The following HMGCS1 variants were observed in gnomAD, a reference collection of about 807,000 sequenced individuals.
HMGCS1 encodes the protein 3-hydroxy-3-methylglutaryl-CoA synthase 1, also known as hydroxymethylglutaryl-CoA synthase, cytoplasmic.
A neutral mutation model predicts 52.3 loss-of-function variants in HMGCS1; 9 were observed. The ratio of observed to expected loss-of-function variants is 0.17; its 90% CI spans 0.10 to 0.30. The LOEUF (loss-of-function observed/expected upper bound fraction) is 0.30, where lower values mean the gene tolerates loss of function less well. Among genes scored for constraint, HMGCS1 ranks in the 10% least tolerant of loss-of-function variants. The probability of loss-of-function intolerance (pLI) is 1.00; values close to 1 mark genes in which losing one functional copy is unlikely to be tolerated. For missense variants in HMGCS1, 320 were observed against 620.9 expected (o/e 0.52, Z 5.15); for synonymous variants, 176 against 214.4 (o/e 0.82, Z 1.57).
intron 1 of HMGCS1, among the ~76,000 whole-genome samples, chr5:43,312,744 T>C (rs186975868): frequency 6.6e-6 from 1 of 152,128 alleles, no homozygotes; most frequent in Non-Finnish European, 1.5e-5. Context: ...TCTATGAGAT[T>C]TGAAGCAAGT....
At chr5:43,306,410 A>G (rs71627598) in intron 2 of HMGCS1, among the ~76,000 whole-genome samples, 1,809 of 152,314 alleles carry the variant, frequency 0.012, 35 homozygotes, top group East Asian at 0.081. Context: ...GTCTCTCCTA[A>G]GTGAGCTCTG....
At chr5:43,297,258 T>A in intron 4 of HMGCS1, 92 bp from the exon 5 acceptor site, 1 of 1,037,660 alleles carries the variant, frequency 9.6e-7, no homozygotes, top group Non-Finnish European at 1.4e-6. Context: ...GGACCTTCCT[T>A]AACTATCTGA....
Position 43,291,194 on chromosome 5 carries a change from T to TACTTTCTTGGC in HMGCS1, c.1489_1499dup (p.Leu503LysfsTer66). The stretch of plus-strand genomic sequence containing the variant: ...CTGCTGCTGTGGCAGGGAGTCTTGG[T>TACTTTCTTGGC]ACTTTCTTGGCAGGGCTTGGAATAT... On this transcript the variant is annotated frameshift_variant, in exon 11 of 11. Transcript: ENST00000325110. LOFTEE classifies it high-confidence loss of function. 1 of 1,608,090 alleles carries TACTTTCTTGGC rather than the reference T, an allele frequency of 6.2e-7. No individual in the cohort carries two copies. The highest frequency in any genetic ancestry group is 8.5e-7 in the Non-Finnish European group (1 of 1,176,494).
chr5:43,294,758 C>T lies in HMGCS1; in HGVS notation c.1009G>A (p.Val337Ile), dbSNP rs1579639185. ...TACATATTTCCATTTTGATTTGATA[C>T]AAGTAAAGATGCCTTTGTTTTCTGA... ...FSQKTKASLLVSNQNGNMYTS... is the reference protein window; with the variant it reads ...FSQKTKASLLISNQNGNMYTS... The change falls in exon 7 of 11, where the codon GTA becomes ATA. Residue 337 changes from valine to isoleucine, a missense_variant. By Grantham distance (29) the Val-to-Ile change is conservative (BLOSUM62 3). This residue lies in a region of HMGCS1 where 213 missense variants were observed against 337.4 expected (regional missense o/e 0.63). Coordinates refer to ENST00000325110, the MANE Select transcript of HMGCS1 (RefSeq NM_001098272.3). 1.2e-6 allele frequency: 2 copies of T among 1,612,224 alleles called. No homozygotes were observed. The highest frequency in any genetic ancestry group is 1.7e-6 in the Non-Finnish European group (2 of 1,178,546).
chr5:43,300,870 C>CTT (rs533615475), intron 2 of HMGCS1, among the ~76,000 whole-genome samples: 1 of 147,242 alleles, frequency 6.8e-6, no homozygotes. Flanking sequence ...ACAGAAGAAT[C>CTT]TTTTTTTTTT....
At chr5:43,303,501 T>C (rs777088349) in intron 2 of HMGCS1, among the ~76,000 whole-genome samples, 1 of 152,234 alleles carries the variant, frequency 6.6e-6, no homozygotes, top group Non-Finnish European at 1.5e-5. Flanking sequence ...AGATCATAAA[T>C]GTCTGCTGTT....
At chr5:43,305,604 T>C (rs924563723) in intron 2 of HMGCS1, among the ~76,000 whole-genome samples, 3 of 151,770 alleles carry the variant, frequency 2.0e-5, no homozygotes, top group African/African-American at 4.8e-5. Flanking sequence ...ACCCCCTCTC[T>C]ACTAAAAATA....
chr5:43,299,813 G>T (rs1754223639), intron 2 of HMGCS1, among the ~76,000 whole-genome samples: 1 of 152,098 alleles, frequency 6.6e-6, no homozygotes, highest in South Asian at 2.1e-4. Context: ...GACCATTGTT[G>T]GGCATTTAAC....
At chr5:43,294,003 C>T in intron 8 of HMGCS1, 53 bp downstream of exon 8, 1 of 1,202,932 alleles carries the variant, frequency 8.3e-7, no homozygotes, top group South Asian at 1.2e-5. Flanking sequence ...GTGTGAGCCA[C>T]TGTGCCTGGA....
chr5:43,295,472 G>A (rs1753985844), intron 6 of HMGCS1, among the ~76,000 whole-genome samples: 2 of 152,196 alleles, frequency 1.3e-5, no homozygotes, highest in South Asian at 4.1e-4. Flanking sequence ...GGCTGCTGTA[G>A]TGAATATAGG....
At chr5:43,293,922 C>T (rs1002462689) in intron 8 of HMGCS1, 134 bp downstream of exon 8, 3 of 602,580 alleles carry the variant, frequency 5.0e-6, no homozygotes, top group Admixed American at 5.3e-5. Flanking sequence ...GCCATGTTAG[C>T]CAGACTGGTC....
intron 2 of HMGCS1, among the ~76,000 whole-genome samples, chr5:43,302,037 G>GA (rs139300491): frequency 2.0e-5 from 3 of 152,272 alleles, no homozygotes; most frequent in African/African-American, 7.2e-5. Context: ...CCAGCGCTCA[G>GA]AACCACCACT....
At chr5:43,292,326 T>C in intron 10 of HMGCS1, 148 bp downstream of exon 10, 1 of 630,676 alleles carries the variant, frequency 1.6e-6, no homozygotes, top group South Asian at 2.2e-5. Flanking sequence ...ATAATTCAAA[T>C]GCAAAGCACT....
rs775308187 is a variant in HMGCS1 at position 43,298,783 on chromosome 5, A to G, written c.183T>C (p.Asp61=). The G allele has an allele frequency of 6.2e-7, 1 of 1,614,230 alleles. No homozygotes were observed. Among genetic ancestry groups the G allele is most frequent in the Non-Finnish European group, 8.5e-7 (1 of 1,180,028 alleles). The change falls in exon 3 of 11, where the codon GAT becomes GAC. Residue 61 remains aspartate (D), a synonymous_variant. Transcript: ENST00000325110. The surrounding 1 kb of genome is among the most constrained non-coding windows in gnomAD (Gnocchi z 5.6). ...TGCAAAGAGAGTTAATATCTTCTCTATCTGTGCAGAAGCCCATCTTGGCCT... is the reference window on the plus strand; with the variant it reads ...TGCAAAGAGAGTTAATATCTTCTCTGTCTGTGCAGAAGCCCATCTTGGCCT... ...LGQAKMGFCT[D]REDINSLCMT... is the part of the protein sequence containing the mutation.
intron 10 of HMGCS1, 21 bp from the exon 11 acceptor site, chr5:43,291,241 T>C (rs1443546330): frequency 7.1e-7 from 1 of 1,405,800 alleles, no homozygotes; most frequent in Non-Finnish European, 1.0e-6. Context: ...AGGAAAAAAG[T>C]TGATGGCTCT....
intron 2 of HMGCS1, among the ~76,000 whole-genome samples, 200 bp from the exon 3 acceptor site, chr5:43,299,175 T>C (rs781170070): frequency 2.6e-5 from 4 of 152,334 alleles, no homozygotes; most frequent in East Asian, 1.9e-4. Flanking sequence ...TTTAAAATTA[T>C]AGTCTTTTAG....
rs1007847388 is a variant in HMGCS1, at chr5:43,289,238, T to C, written c.*1893A>G. On this transcript the variant is annotated 3_prime_UTR_variant, in exon 11 of 11. Coordinates refer to ENST00000325110, the MANE Select transcript of HMGCS1 (RefSeq NM_001098272.3). The stretch of plus-strand genomic sequence containing the variant: ...AAATTTCTGCCTTAAACAGAGCACC[T>C]TGCTTATATTAGGATTTCAAATGTT... 5 of 152,282 alleles carry C rather than the reference T, an allele frequency of 3.3e-5. No individual in the cohort carries two copies. The highest frequency in any genetic ancestry group is 5.9e-5 in the Non-Finnish European group (4 of 68,030). 9.4% of individuals were successfully genotyped at this position (152,282 alleles called of 1,614,324 possible). A position where few individuals can be genotyped will look rare whatever the true frequency, so the allele number is the denominator to read the frequency against.
At chr5:43,294,644 A>G (rs1753943333) in intron 7 of HMGCS1, 47 bp downstream of exon 7, 2 of 1,404,046 alleles carry the variant, frequency 1.4e-6, no homozygotes, top group Middle Eastern at 3.9e-4. Context: ...GAAATCTAAC[A>G]TCTCCCAAAT....
At chr5:43,305,462 G>T (rs1242812840) in intron 2 of HMGCS1, among the ~76,000 whole-genome samples, 1 of 151,480 alleles carries the variant, frequency 6.6e-6, no homozygotes, top group Non-Finnish European at 1.5e-5. Context: ...GAATATTCTG[G>T]TTAATTCACT....
Sources: allele counts gnomAD v4.1 joint callset (sites outside exome capture counted in the v4.1 genomes callset), GRCh38; gene constraint gnomAD v4.1.1; regional missense constraint gnomAD v4.1.1; non-coding constraint Gnocchi (gnomAD v3.1); transcripts MANE v1.5; gene names NCBI Gene and HGNC (gene_info 2026-07-23, HGNC 2026-07-21).